Variants in UNCX observed in about 807,000 individuals in gnomAD.
The protein encoded by UNCX is UNC homeobox.
Under a neutral mutation model 14.8 loss-of-function variants are expected in UNCX, and 4 were observed. That is an observed-to-expected ratio of 0.27 (90% CI 0.13 to 0.62). The LOEUF (loss-of-function observed/expected upper bound fraction) is 0.62, where lower values mean the gene tolerates loss of function less well. Ranked by LOEUF, UNCX falls within the 20% of genes least tolerant of loss-of-function variation. UNCX has a pLI of 0.86. For synonymous variants in UNCX, 459 were observed against 395.8 expected (o/e 1.16, Z -1.90); for missense variants, 749 against 786.8 (o/e 0.95, Z 0.58).
Position 1,233,163 on chromosome 7 carries a change from C to T in UNCX, c.146C>T (p.Ser49Leu), listed in dbSNP as rs1330025011. The change falls in exon 1 of 3, where the codon TCG (serine) becomes TTG (leucine). Residue 49 changes from serine (S) to leucine (L), a missense_variant. Coordinates refer to ENST00000316333, the MANE Select transcript of UNCX (RefSeq NM_001080461.3). The surrounding 1 kb of genome is among the most constrained non-coding windows in gnomAD (Gnocchi z 5.3). ...CTGCAGTCGGCCGCCGCCGCCGCCT[C>T]GGTGCCCTTCTCCATCGACGGCCTG... ...HQLQSAAAAA[S>L]VPFSIDGLLG... 1.4e-6 allele frequency: 2 copies of T among 1,463,048 alleles called. No homozygotes were observed. Among genetic ancestry groups the T allele is most frequent in the Non-Finnish European group, 9.0e-7 (1 of 1,111,410 alleles). The allele number at this position is 1,463,048 out of a possible 1,614,324, so 90.6% of individuals were successfully genotyped here. A position where few individuals can be genotyped will look rare whatever the true frequency, so the allele number is the denominator to read the frequency against.
chr7:1,234,573 C>T lies in UNCX; in HGVS notation c.450+878C>T, dbSNP rs371304843. Among the ~76,000 whole-genome samples the T allele has an allele frequency of 2.6e-4, 40 of 151,292 alleles. No homozygotes were observed. The East Asian group carries it at 3.5e-3, about 13-fold the overall frequency. ...CAAAACGCCTGTTTATCACCAATAG[C>T]TTTGTCTAAAAAGGTGTGTTTGTCC... is the stretch of plus-strand genomic sequence containing the variant. On this transcript the variant is annotated intron_variant, in intron 2 of 2. Coordinates refer to ENST00000316333, the MANE Select transcript of UNCX (RefSeq NM_001080461.3).
intron 2 of UNCX, among the ~76,000 whole-genome samples, chr7:1,234,652 T>C (rs552881618): frequency 6.7e-6 from 1 of 149,036 alleles, no homozygotes; most frequent in African/African-American, 2.5e-5. Flanking sequence ...TTTCATCCAA[T>C]TTGTTCTAAG....
Position 1,236,656 on chromosome 7 carries a change from C to A in UNCX, c.1275C>A (p.Phe425Leu). 9.8e-7 allele frequency: 1 copy of A among 1,025,084 alleles called. No homozygotes were observed. The highest frequency in any genetic ancestry group is 1.2e-6 in the Non-Finnish European group (1 of 859,288). 63.5% of individuals were successfully genotyped at this position (1,025,084 alleles called of 1,614,324 possible). Reference protein sequence around the residue: ...VPPAPPAQASFGAFSGPGGAP... With the variant: ...VPPAPPAQASLGAFSGPGGAP... ...CCGCGCCGCCTGCCCAGGCCAGTTT[C>A]GGGGCCTTCTCGGGGCCCGGCGGCG... is the stretch of plus-strand genomic sequence containing the variant. Residue 425 changes from phenylalanine (F) to leucine (L), a missense_variant, in exon 3 of 3, where the codon TTC (phenylalanine) becomes TTA (leucine). Coordinates refer to ENST00000316333, the MANE Select transcript of UNCX (RefSeq NM_001080461.3). This position sits in a 1 kb window ranked among gnomAD's most constrained non-coding sequence, Gnocchi z 6.9.
In UNCX at chr7:1,236,466, C is replaced by T; in HGVS notation, c.1085C>T (p.Ala362Val). 1 of 1,377,514 alleles carries T rather than the reference C, an allele frequency of 7.3e-7. No individual in the cohort carries two copies. The highest frequency in any genetic ancestry group is 9.4e-7 in the Non-Finnish European group (1 of 1,063,860). 85.3% of individuals were successfully genotyped at this position (1,377,514 alleles called of 1,614,324 possible). A position where few individuals can be genotyped will look rare whatever the true frequency, so the allele number is the denominator to read the frequency against. ...AAAAAAGLDF[A>V]PGLPCAPRTL... Reference sequence around the variant, plus strand: ...GCCGCCGCCGCGGGGCTGGACTTCGCGCCCGGGCTGCCGTGCGCGCCGCGG... The same window carrying T: ...GCCGCCGCCGCGGGGCTGGACTTCGTGCCCGGGCTGCCGTGCGCGCCGCGG... Residue 362 changes from alanine (A) to valine (V), a missense_variant, in exon 3 of 3, where the codon GCG becomes GTG. Ala to Val is a moderately conservative substitution (Grantham distance 64). Coordinates refer to ENST00000316333, the MANE Select transcript of UNCX (RefSeq NM_001080461.3). The surrounding 1 kb of genome is among the most constrained non-coding windows in gnomAD (Gnocchi z 6.9).
In UNCX at chr7:1,232,883, G is replaced by A; in HGVS notation, c.-135G>A. On this transcript the variant is annotated 5_prime_UTR_variant, in exon 1 of 3. The change creates a new upstream start codon in the 5' untranslated region. Transcript: ENST00000316333. ...TGATGTTGATAAGTAAAGCGCCGGA[G>A]TGCGGGCGAAGCATGTGTGGGGCTC... The A allele has an allele frequency of 3.1e-6, 1 of 321,308 alleles. No homozygotes were observed. The highest frequency in any genetic ancestry group is 4.5e-6 in the Non-Finnish European group (1 of 223,096). 19.9% of individuals were successfully genotyped at this position (321,308 alleles called of 1,614,324 possible). A position where few individuals can be genotyped will look rare whatever the true frequency, so the allele number is the denominator to read the frequency against.
intron 2 of UNCX, among the ~76,000 whole-genome samples, chr7:1,234,594 T>G (rs1249350981): frequency 6.0e-5 from 9 of 151,044 alleles, no homozygotes; most frequent in Admixed American, 5.9e-4. Flanking sequence ...AAGGTGTGTT[T>G]GTCCTGCGCT....
chr7:1,233,100 TG>T lies in UNCX; in HGVS notation c.86del (p.Gly29AlafsTer114). The T allele has an allele frequency of 6.9e-7, 1 of 1,458,324 alleles. No individual in the cohort carries two copies. 90.3% of individuals were successfully genotyped at this position (1,458,324 alleles called of 1,614,324 possible). A position where few individuals can be genotyped will look rare whatever the true frequency, so the allele number is the denominator to read the frequency against. On this transcript the variant is annotated frameshift_variant, in exon 1 of 3. Transcript: ENST00000316333. LOFTEE classifies it high-confidence loss of function. This position sits in a 1 kb window ranked among gnomAD's most constrained non-coding sequence, Gnocchi z 5.3. ...LGGVVGFPYP[L>X]GHHHVYELAG... The stretch of plus-strand genomic sequence containing the variant: ...GGCGTGGTGGGCTTCCCCTACCCGC[TG>T]GGCCACCACCACGTGTACGAGCTGG...
Position 1,237,026 on chromosome 7 carries a change from C to G in UNCX, c.*49C>G, listed in dbSNP as rs1778762156. The G allele has an allele frequency of 1.4e-5, 16 of 1,125,224 alleles. No homozygotes were observed. Among genetic ancestry groups the G allele is most frequent in the Non-Finnish European group, 1.7e-5 (16 of 919,168 alleles). 69.7% of individuals were successfully genotyped at this position (1,125,224 alleles called of 1,614,324 possible). ...CGTAGCCGGCCCGCGGCCGCTCGCTCAGGCTCCGACTCACGCAACGAATCA... is the reference window on the plus strand; with the variant it reads ...CGTAGCCGGCCCGCGGCCGCTCGCTGAGGCTCCGACTCACGCAACGAATCA... On this transcript the variant is annotated 3_prime_UTR_variant, in exon 3 of 3. Transcript: ENST00000316333. This position sits in a 1 kb window ranked among gnomAD's most constrained non-coding sequence, Gnocchi z 5.8.
At chr7:1,235,729 G>A in intron 2 of UNCX, 103 bp from the exon 3 acceptor site, 5 of 1,069,594 alleles carry the variant, frequency 4.7e-6, no homozygotes, top group Non-Finnish European at 6.7e-6. Context: ...CCGGCCGAGC[G>A]GAGGTTGTGC....
At position 1,235,945 on chromosome 7, in the gene UNCX, C is replaced by T. The variant is rs965445331; in HGVS notation, c.564C>T (p.Asp188=). 8 of 1,612,416 alleles carry T rather than the reference C, an allele frequency of 5.0e-6. No individual in the cohort carries two copies. Among genetic ancestry groups the T allele is most frequent in the African/African-American group, 2.7e-5 (2 of 74,910 alleles). Residue 188 remains aspartate, a synonymous_variant, in exon 3 of 3, where the codon GAC becomes GAT. Coordinates refer to ENST00000316333, the MANE Select transcript of UNCX (RefSeq NM_001080461.3). ...CCACGTGCAGCGGCGAGCCCATGGA[C>T]CCGGAGGAGATCGCGCGCAAGGAGC... ...HPTTCSGEPM[D]PEEIARKELE...
Position 1,236,899 on chromosome 7 carries a change from G to C in UNCX, c.1518G>C (p.Pro506=), listed in dbSNP as rs922244237. The C allele has an allele frequency of 3.7e-5, 42 of 1,146,744 alleles. No homozygotes were observed. In the African/African-American group the frequency reaches 6.7e-4, roughly 18 times the overall value. 71.0% of individuals were successfully genotyped at this position (1,146,744 alleles called of 1,614,324 possible). The change falls in exon 3 of 3, where the codon CCG becomes CCC. Residue 506 remains proline, a synonymous_variant. Coordinates refer to ENST00000316333, the MANE Select transcript of UNCX (RefSeq NM_001080461.3). This position sits in a 1 kb window ranked among gnomAD's most constrained non-coding sequence, Gnocchi z 6.9. ...GGCCTCCCAGCCCCGCCGAGGAGCC[G>C]GCCACCTGCGGGGTTCCCGAGCCTG... ...GPRPPSPAEE[P]ATCGVPEPGA...
Position 1,236,830 on chromosome 7 carries a change from CCCCGCGCCCCCGCCG to C in UNCX, c.1458_1472del (p.Pro487_Pro491del). On this transcript the variant is annotated inframe_deletion, in exon 3 of 3. Transcript: ENST00000316333. This position sits in a 1 kb window ranked among gnomAD's most constrained non-coding sequence, Gnocchi z 6.9. Reference sequence around the variant, plus strand: ...ACTGCGCGGACGCGGGGACCGCCGGCCCCGCGCCCCCGCCGCCCGCGCCGTCGCCCAGGCCCGGCC... The same window carrying C: ...ACTGCGCGGACGCGGGGACCGCCGGCCCCGCGCCGTCGCCCAGGCCCGGCC... 2 of 989,180 alleles carry C rather than the reference CCCCGCGCCCCCGCCG, an allele frequency of 2.0e-6. No individual in the cohort carries two copies. Among genetic ancestry groups the C allele is most frequent in the Non-Finnish European group, 2.4e-6 (2 of 834,258 alleles). 61.3% of individuals were successfully genotyped at this position (989,180 alleles called of 1,614,324 possible).
Position 1,236,721 on chromosome 7 carries a change from T to C in UNCX, c.1340T>C (p.Val447Ala). The C allele has an allele frequency of 1.0e-6, 1 of 993,432 alleles. No individual in the cohort carries two copies. The highest frequency in any genetic ancestry group is 1.2e-6 in the Non-Finnish European group (1 of 837,290). 61.5% of individuals were successfully genotyped at this position (993,432 alleles called of 1,614,324 possible). A position where few individuals can be genotyped will look rare whatever the true frequency, so the allele number is the denominator to read the frequency against. The change falls in exon 3 of 3, where the codon GTC becomes GCC. Residue 447 changes from valine to alanine, a missense_variant. By Grantham distance (64) the Val-to-Ala change is moderately conservative. Coordinates refer to ENST00000316333, the MANE Select transcript of UNCX (RefSeq NM_001080461.3). This position sits in a 1 kb window ranked among gnomAD's most constrained non-coding sequence, Gnocchi z 6.9. The stretch of plus-strand genomic sequence containing the variant: ...TTCGCGCGTCGCAGCCCCGACGCCG[T>C]CGCCTCCCCGGGGGCCCCAGCCCCG... ...SAFARRSPDA[V>A]ASPGAPAPAP...
At chr7:1,235,544 GC>G (rs375072360) in intron 2 of UNCX, among the ~76,000 whole-genome samples, 2,834 of 152,348 alleles carry the variant, frequency 0.019, 74 homozygotes, top group African/African-American at 0.062. Flanking sequence ...GGCCAGACCG[GC>G]CCCCCAAGTA....
Position 1,236,409 on chromosome 7 carries a change from C to T in UNCX, c.1028C>T (p.Pro343Leu). 2 of 1,370,112 alleles carry T rather than the reference C, an allele frequency of 1.5e-6. No individual in the cohort carries two copies. The highest frequency in any genetic ancestry group is 1.9e-6 in the Non-Finnish European group (2 of 1,059,326). 84.9% of individuals were successfully genotyped at this position (1,370,112 alleles called of 1,614,324 possible). ...SVESLLSDSP[P>L]RRKAASNAAA... ...GAGAGCCTCCTGTCCGACTCGCCGC[C>T]GCGCCGGAAAGCCGCTTCCAACGCC... Residue 343 changes from proline to leucine, a missense_variant, in exon 3 of 3, where the codon CCG (proline) becomes CTG (leucine). By Grantham distance (98) the Pro-to-Leu change is moderately conservative. Transcript: ENST00000316333. This position sits in a 1 kb window ranked among gnomAD's most constrained non-coding sequence, Gnocchi z 6.9.
chr7:1,233,850 G>T lies in UNCX; in HGVS notation c.450+155G>T, dbSNP rs777440142. ...GAAGAGTGGAGGGGTGGGGGTTCTG[G>T]GGCTCGGCCCCTCACGGACAGCGGG... On this transcript the variant is annotated intron_variant, in intron 2 of 2. Transcript: ENST00000316333. This position sits in a 1 kb window ranked among gnomAD's most constrained non-coding sequence, Gnocchi z 5.3. 2.6e-5 allele frequency among the ~76,000 whole-genome samples: 4 copies of T among 152,368 alleles called. No individual in the cohort carries two copies. The highest frequency in any genetic ancestry group is 1.3e-4 in the Admixed American group (2 of 15,310).
rs915559332 is a variant in UNCX at position 1,233,970 on chromosome 7, C to A, written c.450+275C>A. ...CAGCGGCTGCGTCCGAACCGGGAAG[C>A]GGCGTGGTGGGTTGGCGGAGGCCGG... On this transcript the variant is annotated intron_variant, in intron 2 of 2. Transcript: ENST00000316333. The surrounding 1 kb of genome is among the most constrained non-coding windows in gnomAD (Gnocchi z 5.3). Among the ~76,000 whole-genome samples, 1 of 152,170 alleles carries A rather than the reference C, an allele frequency of 6.6e-6. No homozygotes were observed. Among genetic ancestry groups the A allele is most frequent in the East Asian group, 1.9e-4 (1 of 5,176 alleles).
In UNCX at chr7:1,233,867, G is replaced by C. The variant is rs993601075; in HGVS notation, c.450+172G>C. Among the ~76,000 whole-genome samples, 1 of 152,252 alleles carries C rather than the reference G, an allele frequency of 6.6e-6. No homozygotes were observed. The highest frequency in any genetic ancestry group is 1.5e-5 in the Non-Finnish European group (1 of 68,052). ...GGGTTCTGGGGCTCGGCCCCTCACG[G>C]ACAGCGGGGTGGGTAACTGCCCCCC... On this transcript the variant is annotated intron_variant, in intron 2 of 2. Transcript: ENST00000316333. The surrounding 1 kb of genome is among the most constrained non-coding windows in gnomAD (Gnocchi z 5.3).
Position 1,233,745 on chromosome 7 carries a change from G to A in UNCX, c.450+50G>A. ...ATCTGCCATCCGGACCCCAGGCTCT[G>A]GGCGCGCCGGGACGCCTTTGTTCCA... On this transcript the variant is annotated intron_variant, in intron 2 of 2. Coordinates refer to ENST00000316333, the MANE Select transcript of UNCX (RefSeq NM_001080461.3). This position sits in a 1 kb window ranked among gnomAD's most constrained non-coding sequence, Gnocchi z 5.3. 1 of 1,553,768 alleles carries A rather than the reference G, an allele frequency of 6.4e-7. No homozygotes were observed.
Sources: gnomAD v4.1 joint callset for allele counts (sites outside exome capture counted in the v4.1 genomes callset) on GRCh38, gnomAD v4.1.1 for gene constraint, Gnocchi (gnomAD v3.1) non-coding constraint, MANE v1.5 for transcripts, NCBI Gene and HGNC (gene_info 2026-07-23, HGNC 2026-07-21) for gene names.